Variants in IL17REL observed in about 807,000 individuals in gnomAD.
The protein encoded by IL17REL is interleukin 17 receptor E like.
IL17REL carries 36 observed loss-of-function variants against 49.0 expected under a neutral mutation model. The ratio of observed to expected loss-of-function variants is 0.73; its 90% CI spans 0.56 to 0.97. The LOEUF (loss-of-function observed/expected upper bound fraction) is 0.97, where lower values mean the gene tolerates loss of function less well. IL17REL is among the 50% of genes least tolerant of loss of function. IL17REL has a pLI of 0.00. For missense variants in IL17REL, 470 were observed against 453.9 expected (o/e 1.04, Z -0.32); for synonymous variants, 206 against 192.4 (o/e 1.07, Z -0.58).
intron 1 of IL17REL, 29 bp from the exon 3 acceptor site, chr22:50,001,260 C>T (rs1057108404): frequency 1.8e-5 from 18 of 987,062 alleles, no homozygotes; most frequent in African/African-American, 4.8e-5. Flanking sequence ...CGTGAGGCCT[C>T]GAGTTCCCTG....
At chr22:50,008,401 C>T (rs905924921) in intron 1 of IL17REL, among the ~76,000 whole-genome samples, 5 of 152,298 alleles carry the variant, frequency 3.3e-5, no homozygotes, top group East Asian at 1.9e-4. Context: ...TAAGTGGAGA[C>T]GTGGGACTCT....
At chr22:49,999,444 C>T in exon 6 of IL17REL, 3 of 1,612,182 alleles carry the variant, frequency 1.9e-6, no homozygotes, top group South Asian at 2.2e-5. Context: ...CAGGCACAGG[C>T]ACGGCAGCTC....
downstream of IL17REL, among the ~76,000 whole-genome samples, chr22:49,993,393 C>A (rs2061015893): frequency 6.6e-6 from 1 of 152,194 alleles, no homozygotes; most frequent in South Asian, 2.1e-4. The surrounding 1 kb of genome is among the most constrained non-coding windows in gnomAD (Gnocchi z 6.0). Flanking sequence ...CACTTTTCTC[C>A]TGGCAGGTGT....
chr22:50,000,809 T>G, exon 3 of IL17REL: 1 of 1,603,922 alleles, frequency 6.2e-7, no homozygotes, highest in South Asian at 1.1e-5. Flanking sequence ...GCTCTGACAC[T>G]GCGTCTCCTG....
Position 49,997,090 on chromosome 22 carries a change from C to A in IL17REL, c.975-16G>T. 1 of 1,571,132 alleles carries A rather than the reference C, an allele frequency of 6.4e-7. No homozygotes were observed. The highest frequency in any genetic ancestry group is 8.6e-7 in the Non-Finnish European group (1 of 1,162,294). ...CCAGGTCACCCTGGGTGGGGGAGGG[C>A]AGGTCACAGGCAATGGGAGGAAGGG... On this transcript the variant is annotated splice_polypyrimidine_tract_variant and intron_variant, in intron 11 of 12. Transcript: ENST00000341280.
intron 1 of IL17REL, 114 bp from the exon 3 acceptor site, chr22:50,001,345 C>T (rs1009083686): frequency 1.7e-6 from 1 of 595,204 alleles, no homozygotes; most frequent in Non-Finnish European, 3.0e-6. Context: ...GCCAGGGGGT[C>T]TTTACTATCT....
chr22:49,993,936 C>T (rs954228222), downstream of IL17REL, among the ~76,000 whole-genome samples: 9 of 152,050 alleles, frequency 5.9e-5, no homozygotes, highest in Non-Finnish European at 1.0e-4. The surrounding 1 kb of genome is among the most constrained non-coding windows in gnomAD (Gnocchi z 6.0). Flanking sequence ...TGGCTGGGGG[C>T]GGACGGGGTC....
chr22:49,998,548 T>G (rs1441936184), intron 7 of IL17REL, among the ~76,000 whole-genome samples: 1 of 146,072 alleles, frequency 6.8e-6, no homozygotes, highest in Non-Finnish European at 1.5e-5. Context: ...GTCATGGGTA[T>G]GGGTGTGCGT....
rs771072127 is a variant in IL17REL at position 50,000,766 on chromosome 22, CT to C, written c.206del (p.Gln69ArgfsTer15). The C allele has an allele frequency of 8.8e-6, 14 of 1,591,254 alleles. No individual in the cohort carries two copies. The highest frequency in any genetic ancestry group is 1.8e-4 in the Middle Eastern group (1 of 5,544). On this transcript the variant is annotated frameshift_variant, in exon 3 of 13. Coordinates refer to ENST00000341280, the Ensembl canonical transcript of IL17REL. LOFTEE classifies it high-confidence loss of function. Reference sequence around the variant, plus strand: ...GCCTTGGCCTCACCTGCTGCCCCCCCTGCTGCCGGTGGGAGGCCCTGGCCAC... The same window carrying C: ...GCCTTGGCCTCACCTGCTGCCCCCCCGCTGCCGGTGGGAGGCCCTGGCCAC...
At chr22:50,005,644 A>C (rs2061105550) in intron 1 of IL17REL, among the ~76,000 whole-genome samples, 1 of 152,192 alleles carries the variant, frequency 6.6e-6, no homozygotes, top group Admixed American at 6.6e-5. Flanking sequence ...TCTGCTAAAA[A>C]TACAATGATT....
At chr22:50,012,270 T>C (rs2061145497), upstream of IL17REL, among the ~76,000 whole-genome samples, 1 of 152,226 alleles carries the variant, frequency 6.6e-6, no homozygotes, top group African/African-American at 2.4e-5. Context: ...GCTTGCGGGC[T>C]GCCCTAGATT....
chr22:50,004,014 G>T (rs1297937080), intron 1 of IL17REL, among the ~76,000 whole-genome samples: 1 of 152,174 alleles, frequency 6.6e-6, no homozygotes, highest in Non-Finnish European at 1.5e-5. Context: ...GTTTAGCAAA[G>T]TTGCAGAATA....
At chr22:49,997,897 G>C in intron 9 of IL17REL, 128 bp downstream of exon 11, 2 of 1,414,912 alleles carry the variant, frequency 1.4e-6, no homozygotes, top group Middle Eastern at 2.4e-4. Flanking sequence ...CAGACCAGGA[G>C]GGGGCTCTGA....
In IL17REL at chr22:49,999,512, A is replaced by G. The variant is rs2146744632; in HGVS notation, c.475-10T>C. On this transcript the variant is annotated splice_polypyrimidine_tract_variant and intron_variant, in intron 5 of 12. Coordinates refer to ENST00000341280, the Ensembl canonical transcript of IL17REL. ...CGCTGTTGGCGGTCACCTGCAACCC[A>G]GAAAGGGCGGCTGAGGGGCCGCGCG... 6.4e-7 allele frequency: 1 copy of G among 1,573,496 alleles called. No homozygotes were observed. The highest frequency in any genetic ancestry group is 8.6e-7 in the Non-Finnish European group (1 of 1,159,398).
At chr22:50,000,306 C>T (rs959393274) in intron 4 of IL17REL, among the ~76,000 whole-genome samples, 66 bp from the exon 6 acceptor site, 2 of 152,246 alleles carry the variant, frequency 1.3e-5, no homozygotes, top group African/African-American at 4.8e-5. Context: ...CCTCCTCCAC[C>T]CGCCCCCCAT....
At chr22:50,003,026 G>A (rs2061087698) in intron 1 of IL17REL, among the ~76,000 whole-genome samples, 1 of 152,208 alleles carries the variant, frequency 6.6e-6, no homozygotes, top group African/African-American at 2.4e-5. Context: ...AGTGGTGGGG[G>A]TGGATCCCAA....
chr22:50,001,015 TA>T, intron 2 of IL17REL, 66 bp downstream of exon 3: 4 of 1,353,844 alleles, frequency 3.0e-6, no homozygotes, highest in Non-Finnish European at 4.1e-6. Flanking sequence ...TTGATGGGAA[TA>T]AAAGGCACCT....
downstream of IL17REL, among the ~76,000 whole-genome samples, chr22:49,993,015 A>T (rs755616399): frequency 6.6e-6 from 1 of 152,024 alleles, no homozygotes; most frequent in Non-Finnish European, 1.5e-5. The surrounding 1 kb of genome is among the most constrained non-coding windows in gnomAD (Gnocchi z 6.0). Flanking sequence ...TCGCTTACTT[A>T]TGTCACTTGG....
At chr22:50,010,109 C>G, upstream of IL17REL, among the ~76,000 whole-genome samples, 2 of 152,224 alleles carry the variant, frequency 1.3e-5, 1 homozygote, top group Non-Finnish European at 2.9e-5. Flanking sequence ...ACCCATTTGC[C>G]GACCACCCCA....
Sources: gnomAD v4.1 joint callset for allele counts (sites outside exome capture counted in the v4.1 genomes callset) on GRCh38, gnomAD v4.1.1 for gene constraint, Gnocchi (gnomAD v3.1) non-coding constraint, MANE v1.5 for transcripts, NCBI Gene and HGNC (gene_info 2026-07-23, HGNC 2026-07-21) for gene names.